The following ARID2 variants were observed in gnomAD, a reference collection of about 807,000 sequenced individuals.
ARID2 encodes the protein AT-rich interactive domain-containing protein 2.
In ARID2, 32 loss-of-function variants were observed where a neutral mutation model predicts 184.6. The ratio of observed to expected loss-of-function variants is 0.17; its 90% confidence interval spans 0.13 to 0.23. The LOEUF (loss-of-function observed/expected upper bound fraction) is 0.23, where lower values mean the gene tolerates loss of function less well. Among genes scored for constraint, ARID2 ranks in the 10% least tolerant of loss-of-function variants. ARID2 has a pLI of 1.00. For synonymous variants in ARID2, 836 were observed against 772.6 expected, an observed-to-expected ratio of 1.08 and a Z score of -1.36; for missense variants, 1,696 against 2,197.6, an observed-to-expected ratio of 0.77 and a Z score of 4.56.
intron 6 of ARID2, among the ~76,000 whole-genome samples, chr12:45,829,801 C>CTT (rs774087811): frequency 2.2e-5 from 2 of 91,290 alleles, no homozygotes; most frequent in African/African-American, 5.1e-5. Context: ...CTTTCTTCTT[C>CTT]TTTTTTTTTT....
At chr12:45,867,233 G>A (rs1440458936) in intron 16 of ARID2, among the ~76,000 whole-genome samples, 1 of 151,220 alleles carries the variant, frequency 6.6e-6, no homozygotes, top group Non-Finnish European at 1.5e-5. Context: ...ACAGGCATGA[G>A]CCACTGCACC....
chr12:45,886,887 T>C (rs1944201573), intron 16 of ARID2, among the ~76,000 whole-genome samples: 1 of 152,164 alleles, frequency 6.6e-6, no homozygotes. Flanking sequence ...CAGGAAATAA[T>C]TTTGTCCTGC....
At chr12:45,737,893 T>C (rs181781726) in intron 3 of ARID2, among the ~76,000 whole-genome samples, 77 of 152,270 alleles carry the variant, frequency 5.1e-4, no homozygotes, top group Admixed American at 4.1e-3. Context: ...GACACACTTA[T>C]ACTTTGTCTC....
intron 16 of ARID2, among the ~76,000 whole-genome samples, chr12:45,889,720 A>T (rs1468690241): frequency 6.6e-6 from 1 of 152,236 alleles, no homozygotes; most frequent in Admixed American, 6.5e-5. Flanking sequence ...CGGGTGGATC[A>T]CAAGGTCAGG....
intron 3 of ARID2, among the ~76,000 whole-genome samples, chr12:45,745,469 A>T (rs1592050365): frequency 6.6e-6 from 1 of 152,212 alleles, no homozygotes; most frequent in Non-Finnish European, 1.5e-5. Flanking sequence ...TTATTACACT[A>T]ACCACTCCAT....
intron 3 of ARID2, among the ~76,000 whole-genome samples, chr12:45,779,995 A>G (rs1330529976): frequency 6.6e-6 from 1 of 152,190 alleles, no homozygotes; most frequent in Non-Finnish European, 1.5e-5. Flanking sequence ...TTCCTTATCT[A>G]TTAAATAAGA....
chr12:45,839,181 A>T (rs1943284461), intron 10 of ARID2, 148 bp from the exon 11 acceptor site: 108 of 773,654 alleles, frequency 1.4e-4, no homozygotes, highest in Middle Eastern at 3.7e-4. Context: ...CTTTTTTTTT[A>T]AAGATGCACA....
At chr12:45,735,714 G>A (rs1403686579) in intron 3 of ARID2, among the ~76,000 whole-genome samples, 1 of 152,168 alleles carries the variant, frequency 6.6e-6, no homozygotes, top group African/African-American at 2.4e-5. Context: ...GAAAGGAAGA[G>A]CAGAAAGTGG....
At position 45,731,329 on chromosome 12, in the gene ARID2, C is replaced by T; in HGVS notation, c.284+15C>T. On this transcript the variant is annotated intron_variant, in intron 3 of 20. Transcript: ENST00000334344. ...TATTACTTGCGGTGAGTAGTAGTGA[C>T]TTTTCCATAGTATTTGGAAATAAGG... 1.3e-6 allele frequency: 2 copies of T among 1,584,740 alleles called. No homozygotes were observed. The highest frequency in any genetic ancestry group is 1.1e-5 in the South Asian group (1 of 90,480).
At chr12:45,808,186 T>G (rs1297664607) in intron 3 of ARID2, among the ~76,000 whole-genome samples, 1 of 152,200 alleles carries the variant, frequency 6.6e-6, no homozygotes, top group African/African-American at 2.4e-5. Flanking sequence ...CAAGGTCATG[T>G]TAGGGAATTA....
At chr12:45,801,075 G>A (rs535847020) in intron 3 of ARID2, among the ~76,000 whole-genome samples, 28 of 152,296 alleles carry the variant, frequency 1.8e-4, no homozygotes, top group African/African-American at 6.7e-4. Context: ...CGCTTTGGGA[G>A]GCTGAGGTGG....
intron 16 of ARID2, among the ~76,000 whole-genome samples, chr12:45,867,026 C>T (rs1943842043): frequency 6.6e-6 from 1 of 152,098 alleles, no homozygotes; most frequent in Non-Finnish European, 1.5e-5. Context: ...TCTCGGCTCA[C>T]TGCAACCTCC....
intron 4 of ARID2, among the ~76,000 whole-genome samples, chr12:45,817,370 C>A (rs1052519412): frequency 6.6e-6 from 1 of 151,800 alleles, no homozygotes; most frequent in African/African-American, 2.4e-5. Flanking sequence ...AAAAAAAGTG[C>A]AGCTAGGTCA....
At chr12:45,732,801 A>G (rs1941028422) in intron 3 of ARID2, among the ~76,000 whole-genome samples, 1 of 152,216 alleles carries the variant, frequency 6.6e-6, no homozygotes, top group Non-Finnish European at 1.5e-5. Context: ...AGAAAGTACT[A>G]TAGAATATAC....
At chr12:45,895,948 A>G (rs182143220) in intron 20 of ARID2, among the ~76,000 whole-genome samples, 1 of 152,368 alleles carries the variant, frequency 6.6e-6, no homozygotes, top group East Asian at 1.9e-4. Flanking sequence ...ATTAAAGAAT[A>G]TATAAACAAC....
rs2138181672 is a variant in ARID2, at chr12:45,852,817, T to C, written c.4694T>C (p.Val1565Ala). ...AVPAGADPSTVAKVAIESAVQ... is the reference protein window; with the variant it reads ...AVPAGADPSTAAKVAIESAVQ... Reference sequence around the variant, plus strand: ...CCAGCAGGAGCAGATCCAAGCACTGTAGCTAAAGTAGCAATAGAAAGTGCT... The same window carrying C: ...CCAGCAGGAGCAGATCCAAGCACTGCAGCTAAAGTAGCAATAGAAAGTGCT... Residue 1565 changes from valine to alanine, a missense_variant, in exon 15 of 21, where the codon GTA (valine) becomes GCA (alanine). Physicochemically the swap from Val to Ala is moderately conservative, Grantham distance 64. Around this residue, in one of 11 missense-constraint regions of ARID2, gnomAD observed 111 missense variants for 154.0 expected, o/e 0.72. Coordinates refer to ENST00000334344, the MANE Select transcript of ARID2 (RefSeq NM_152641.4). The C allele has an allele frequency of 6.2e-7, 1 of 1,613,962 alleles. No homozygotes were observed. Among genetic ancestry groups the C allele is most frequent in the Non-Finnish European group, 8.5e-7 (1 of 1,179,928 alleles).
intron 16 of ARID2, among the ~76,000 whole-genome samples, chr12:45,864,885 T>A (rs564059996): frequency 3.3e-5 from 5 of 152,210 alleles, no homozygotes; most frequent in Admixed American, 6.5e-5. Context: ...GATATTTCCC[T>A]TATTTACCAG....
At chr12:45,838,977 TGCCTCA>T (rs2138135482) in intron 10 of ARID2, among the ~76,000 whole-genome samples, 1 of 151,300 alleles carries the variant, frequency 6.6e-6, no homozygotes, top group South Asian at 2.1e-4. Flanking sequence ...GCCATTCTCC[TGCCTCA>T]GCCTTCCGAG....
intron 3 of ARID2, among the ~76,000 whole-genome samples, chr12:45,803,372 T>C (rs758105381): frequency 6.6e-6 from 1 of 152,224 alleles, no homozygotes; most frequent in Non-Finnish European, 1.5e-5. Flanking sequence ...TAGCCACTTT[T>C]ATCATGAGAA....
Sources: gnomAD v4.1 joint callset for allele counts (sites outside exome capture counted in the v4.1 genomes callset) on GRCh38, gnomAD v4.1.1 for gene constraint, gnomAD v4.1.1 regional missense constraint, MANE v1.5 for transcripts, NCBI Gene and HGNC (gene_info 2026-07-23, HGNC 2026-07-21) for gene names.